The following SBF2 variants were observed in gnomAD, a reference collection of about 807,000 sequenced individuals.
SBF2 encodes the protein SET binding factor 2, also known as myotubularin-related protein 13.
A neutral mutation model predicts 225.2 loss-of-function variants in SBF2; 112 were observed. That is an observed-to-expected ratio of 0.50 (90% CI 0.43 to 0.58). The LOEUF (loss-of-function observed/expected upper bound fraction) is 0.58, where lower values mean the gene tolerates loss of function less well. Among genes scored for constraint, SBF2 ranks in the 20% least tolerant of loss-of-function variants. The pLI is 0.00. For synonymous variants in SBF2, 763 were observed against 773.3 expected (o/e 0.99, Z 0.22); for missense variants, 1,996 against 2,206.2 (o/e 0.90, Z 1.91).
At chr11:10,095,695 G>C (rs1951987922) in intron 2 of SBF2, among the ~76,000 whole-genome samples, 3 of 152,196 alleles carry the variant, frequency 2.0e-5, no homozygotes, top group African/African-American at 7.2e-5. Flanking sequence ...AGGATAAGAA[G>C]AGGATTCAAG....
intron 3 of SBF2, among the ~76,000 whole-genome samples, chr11:10,034,651 TTAAA>T (rs1461784443): frequency 6.6e-6 from 1 of 152,206 alleles, no homozygotes; most frequent in African/African-American, 2.4e-5. Flanking sequence ...GCAGCATTTC[TTAAA>T]TAATCAGTTA....
At position 9,802,102 on chromosome 11, in the gene SBF2, G is replaced by T. The variant is rs529711362; in HGVS notation, c.4443+5898C>A. On this transcript the variant is annotated intron_variant, in intron 32 of 39. Coordinates refer to ENST00000256190, the MANE Select transcript of SBF2 (RefSeq NM_030962.4). ...GATTTACTCTAATGCCGAAATAAAG[G>T]GGATGCTTTCTTCACGTTTTCATTC... Among the ~76,000 whole-genome samples the T allele has an allele frequency of 4.6e-5, 7 of 152,218 alleles. No individual in the cohort carries two copies. In the East Asian group the frequency reaches 1.2e-3, roughly 25 times the overall value.
chr11:10,288,050 T>G (rs4459296), intron 1 of SBF2, among the ~76,000 whole-genome samples: 10,070 of 152,214 alleles, frequency 0.066, 463 homozygotes, highest in East Asian at 0.24. Flanking sequence ...CCGGGGAATG[T>G]AGTGGCACTC....
chr11:10,061,497 G>C (rs1452594403), intron 2 of SBF2, among the ~76,000 whole-genome samples: 1 of 152,128 alleles, frequency 6.6e-6, no homozygotes, highest in Non-Finnish European at 1.5e-5. Flanking sequence ...CAAAGTTGCA[G>C]GATACAAAAT....
intron 16 of SBF2, among the ~76,000 whole-genome samples, chr11:9,943,033 C>T (rs559815745): frequency 6.6e-6 from 1 of 152,138 alleles, no homozygotes; most frequent in Admixed American, 6.5e-5. Flanking sequence ...TTGTGATGCT[C>T]TTACATAAAT....
At chr11:9,891,866 C>G (rs1860849259) in intron 17 of SBF2, among the ~76,000 whole-genome samples, 1 of 152,174 alleles carries the variant, frequency 6.6e-6, no homozygotes, top group African/African-American at 2.4e-5. Flanking sequence ...CTTGAACACT[C>G]TGACACTAAA....
intron 1 of SBF2, among the ~76,000 whole-genome samples, chr11:10,200,159 C>A (rs1250500310): frequency 2.0e-5 from 3 of 152,102 alleles, no homozygotes; most frequent in African/African-American, 7.2e-5. Context: ...ATCCAGGTTA[C>A]CTATACTCTA....
chr11:10,147,436 G>A (rs1469922395), intron 2 of SBF2, among the ~76,000 whole-genome samples: 3 of 152,134 alleles, frequency 2.0e-5, no homozygotes, highest in Non-Finnish European at 2.9e-5. Flanking sequence ...AATGGAGCTG[G>A]AGGCCATTAT....
At chr11:9,839,364 G>C (rs1248501907) in intron 26 of SBF2, 134 bp downstream of exon 26, 1 of 879,134 alleles carries the variant, frequency 1.1e-6, no homozygotes, top group Admixed American at 1.8e-5. Flanking sequence ...ATGCTTGCTC[G>C]TATCCTGGAG....
At chr11:10,189,373 A>ATCTAT (rs1415242820) in intron 2 of SBF2, among the ~76,000 whole-genome samples, 3 of 152,208 alleles carry the variant, frequency 2.0e-5, no homozygotes, top group Non-Finnish European at 4.4e-5. Context: ...CTAACCAAAC[A>ATCTAT]GTATTTACAT....
chr11:9,860,261 G>GTTTTTT (rs66485704), intron 17 of SBF2, among the ~76,000 whole-genome samples: 2 of 127,412 alleles, frequency 1.6e-5, no homozygotes, highest in African/African-American at 2.9e-5. Flanking sequence ...TTTTGAAACA[G>GTTTTTT]TTTTTTTTTT....
chr11:9,965,363 A>G (rs11826708), intron 14 of SBF2, among the ~76,000 whole-genome samples: 1,739 of 142,940 alleles, frequency 0.012, 37 homozygotes, highest in African/African-American at 0.043. Flanking sequence ...GTGCAATGGC[A>G]CGATCTCGGC....
chr11:9,875,906 T>G (rs905971666), intron 17 of SBF2, among the ~76,000 whole-genome samples: 2 of 141,950 alleles, frequency 1.4e-5, no homozygotes, highest in Non-Finnish European at 3.2e-5. Flanking sequence ...TAAACTTAAA[T>G]CACTTAACTT....
intron 2 of SBF2, among the ~76,000 whole-genome samples, chr11:10,062,563 A>C (rs1229271683): frequency 6.6e-6 from 1 of 152,212 alleles, no homozygotes; most frequent in African/African-American, 2.4e-5. Flanking sequence ...AAAGACATAC[A>C]TGTGGCCAAT....
At position 9,847,004 on chromosome 11, in the gene SBF2, T is replaced by G. The variant is rs746530622; in HGVS notation, c.2886A>C (p.Leu962=). Residue 962 remains leucine (L), a synonymous_variant, in exon 23 of 40, where the codon CTA becomes CTC. Coordinates refer to ENST00000256190, the MANE Select transcript of SBF2 (RefSeq NM_030962.4). ...GCAGTCCTTCTTGCATGTTCTGCTG[T>G]AGCTGGTTCTGCATTGTAATCTTCT... ...KEKKITMQNQ[L]QQNMQEGLQI... 1 of 1,613,730 alleles carries G rather than the reference T, an allele frequency of 6.2e-7. No homozygotes were observed. Among genetic ancestry groups the G allele is most frequent in the Non-Finnish European group, 8.5e-7 (1 of 1,179,712 alleles).
In SBF2 at chr11:9,849,124, A is replaced by G. The variant is rs1392752210; in HGVS notation, c.2806+899T>C. Among the ~76,000 whole-genome samples, 3 of 152,148 alleles carry G rather than the reference A, an allele frequency of 2.0e-5. No individual in the cohort carries two copies. The East Asian group carries it at 5.8e-4, about 29-fold the overall frequency. On this transcript the variant is annotated intron_variant, in intron 22 of 39. Transcript: ENST00000256190. ...AATACACAGATGCCTGGGTCTCCCT[A>G]TTTCTACTGCTTCAGATTCTAATAC...
At chr11:9,920,318 T>C (rs1863516678) in intron 16 of SBF2, among the ~76,000 whole-genome samples, 1 of 151,994 alleles carries the variant, frequency 6.6e-6, no homozygotes, top group Admixed American at 6.6e-5. Flanking sequence ...TTACTCTAAG[T>C]TGTATAACTG....
At chr11:9,912,101 G>A (rs994988491) in intron 16 of SBF2, among the ~76,000 whole-genome samples, 1 of 151,838 alleles carries the variant, frequency 6.6e-6, no homozygotes, top group African/African-American at 2.4e-5. Flanking sequence ...CAAATCACAA[G>A]GTTAGGAGTT....
intron 2 of SBF2, among the ~76,000 whole-genome samples, chr11:10,156,097 T>C (rs1054880849): frequency 6.6e-6 from 1 of 152,082 alleles, no homozygotes; most frequent in African/African-American, 2.4e-5. Context: ...GCCCCCCCTA[T>C]CCCCACAGGC....
Sources: gnomAD v4.1 joint callset for allele counts (sites outside exome capture counted in the v4.1 genomes callset) on GRCh38, gnomAD v4.1.1 for gene constraint, MANE v1.5 for transcripts, NCBI Gene and HGNC (gene_info 2026-07-23, HGNC 2026-07-21) for gene names.